The following LMTK2 variants were observed in gnomAD, a reference collection of about 807,000 sequenced individuals.
LMTK2 encodes serine/threonine-protein kinase LMTK2.
Under a neutral mutation model 127.5 loss-of-function variants are expected in LMTK2, and 37 were observed. The observed-to-expected ratio is 0.29, with a 90% CI of 0.22 to 0.38. The LOEUF (loss-of-function observed/expected upper bound fraction) is 0.38, where lower values mean the gene tolerates loss of function less well. Ranked by LOEUF, LMTK2 falls within the 10% of genes least tolerant of loss-of-function variation. The probability of loss-of-function intolerance (pLI) is 1.00; values close to 1 mark genes in which losing one functional copy is unlikely to be tolerated. For missense variants in LMTK2, 1,694 were observed against 1,920.3 expected, an observed-to-expected ratio of 0.88 and a Z score of 2.20; for synonymous variants, 819 against 810.1, an observed-to-expected ratio of 1.01 and a Z score of -0.19.
At chr7:98,185,237 G>A (rs1797416020) in intron 8 of LMTK2, 102 bp downstream of exon 8, 1 of 798,160 alleles carries the variant, frequency 1.3e-6, no homozygotes, top group South Asian at 1.8e-5. Context: ...TTAGTCGCTA[G>A]GCTTTCTGGA....
chr7:98,162,950 A>C (rs188273413), intron 6 of LMTK2, among the ~76,000 whole-genome samples: 94 of 152,328 alleles, frequency 6.2e-4, no homozygotes, highest in African/African-American at 2.2e-3. Flanking sequence ...AGGATTGTTA[A>C]AAGGAAGGAA....
chr7:98,138,326 ACATGGGGCCCTGGTCTTTAGAACCT>A (rs1562901863), intron 2 of LMTK2, among the ~76,000 whole-genome samples: 1 of 152,192 alleles, frequency 6.6e-6, no homozygotes, highest in African/African-American at 2.4e-5. Context: ...TTTTCCCTGG[ACATGGGGCCCTGGTCTTTAGAACCT>A]CATGGCTGTT....
rs1797549561 is a variant in LMTK2 at position 98,192,649 on chromosome 7, G to A, written c.2184G>A (p.Glu728=). 2 of 1,610,764 alleles carry A rather than the reference G, an allele frequency of 1.2e-6. No individual in the cohort carries two copies. The highest frequency in any genetic ancestry group is 2.7e-5 in the African/African-American group (2 of 74,696). The stretch of plus-strand genomic sequence containing the variant: ...CAGAAAACTTTTTATTTCTTCAAGA[G>A]AAAAACTTACTAAAAGGCTCATTGT... ...ELSENFLFLQ[E]KNLLKGSLSS... is the part of the protein sequence containing the mutation. The change falls in exon 11 of 14, where the codon GAG becomes GAA. Residue 728 remains glutamate, a synonymous_variant. Coordinates refer to ENST00000297293, the MANE Select transcript of LMTK2 (RefSeq NM_014916.4).
chr7:98,169,342 A>G (rs1000638393), intron 6 of LMTK2, among the ~76,000 whole-genome samples: 1 of 152,216 alleles, frequency 6.6e-6, no homozygotes, highest in Non-Finnish European at 1.5e-5. Flanking sequence ...GAAGTGGGCT[A>G]TTATGGAGAG....
Position 98,137,383 on chromosome 7 carries a change from T to C in LMTK2, c.172T>C (p.Leu58=), listed in dbSNP as rs1796610827. The C allele has an allele frequency of 1.2e-6, 2 of 1,613,822 alleles. No individual in the cohort carries two copies. ...CCTGTGTGTGTGCAGTTTAATAATA[T>C]TAATAGTGTTAATTGCAAACTGTGT... ...VILCVCSLII[L]IVLIANCVSC... The change falls in exon 2 of 14, where the codon TTA becomes CTA. Residue 58 remains leucine, a synonymous_variant. Transcript: ENST00000297293.
chr7:98,138,408 C>T (rs1796626501), intron 2 of LMTK2, among the ~76,000 whole-genome samples: 1 of 152,180 alleles, frequency 6.6e-6, no homozygotes, highest in Non-Finnish European at 1.5e-5. Context: ...GCTGAGGAGA[C>T]ACACAGATGT....
intron 1 of LMTK2, among the ~76,000 whole-genome samples, chr7:98,128,667 G>A (rs1009089870): frequency 2.0e-5 from 3 of 152,218 alleles, no homozygotes; most frequent in Non-Finnish European, 2.9e-5. Context: ...GGCTCTGCCC[G>A]TGTGTGGGGC....
Position 98,131,624 on chromosome 7 carries a change from T to G in LMTK2, c.104-5691T>G, listed in dbSNP as rs1796521197. 2.6e-5 allele frequency among the ~76,000 whole-genome samples: 4 copies of G among 152,234 alleles called. No homozygotes were observed. The South Asian group carries it at 8.3e-4, about 31-fold the overall frequency. On this transcript the variant is annotated intron_variant, in intron 1 of 13. Transcript: ENST00000297293. ...TTCTGTCAGGAGATAATGTCTGTCT[T>G]TCTGTGTTATCAGCTATTGATATAA...
intron 7 of LMTK2, among the ~76,000 whole-genome samples, chr7:98,184,439 G>A (rs1273377407): frequency 3.9e-5 from 6 of 151,942 alleles, no homozygotes; most frequent in African/African-American, 7.3e-5. Flanking sequence ...TGGGGGCAAC[G>A]GGTTGGGGGT....
At chr7:98,199,409 T>G (rs1410648127) in intron 11 of LMTK2, among the ~76,000 whole-genome samples, 1 of 152,256 alleles carries the variant, frequency 6.6e-6, no homozygotes, top group Non-Finnish European at 1.5e-5. Context: ...ACATTGAGGA[T>G]GATGATGTCT....
At position 98,193,653 on chromosome 7, in the gene LMTK2, G is replaced by T. The variant is rs1284228224; in HGVS notation, c.3188G>T (p.Gly1063Val). 2 of 1,613,784 alleles carry T rather than the reference G, an allele frequency of 1.2e-6. No homozygotes were observed. The highest frequency in any genetic ancestry group is 3.3e-5 in the Admixed American group (2 of 59,986). The part of the protein sequence containing the change: ...DSEPATTGDG[G>V]HSGLPPNPVI... Reference sequence around the variant, plus strand: ...GAACCAGCCACCACGGGCGATGGCGGCCACAGCGGTCTGCCTCCCAACCCG... The same window carrying T: ...GAACCAGCCACCACGGGCGATGGCGTCCACAGCGGTCTGCCTCCCAACCCG... The change falls in exon 11 of 14, where the codon GGC becomes GTC. Residue 1063 changes from glycine to valine, a missense_variant. Physicochemically the swap from Gly to Val is moderately radical, Grantham distance 109. Coordinates refer to ENST00000297293, the MANE Select transcript of LMTK2 (RefSeq NM_014916.4). The surrounding 1 kb of genome is among the most constrained non-coding windows in gnomAD (Gnocchi z 4.1).
At chr7:98,190,561 G>A (rs567723902) in intron 9 of LMTK2, among the ~76,000 whole-genome samples, 167 bp from the exon 10 acceptor site, 1 of 152,218 alleles carries the variant, frequency 6.6e-6, no homozygotes, top group South Asian at 2.1e-4. Context: ...CAGCCTGGGC[G>A]ACAGTGAGAC....
chr7:98,107,234 G>A lies in LMTK2; in HGVS notation c.57G>A (p.Leu19=), dbSNP rs1335917351. The part of the protein sequence containing the change: ...RRLLLLLLVL[L]IAGSAGAAPL... Reference sequence around the variant, plus strand: ...TGCTGCTGCTGCTGCTGGTCCTCCTGATCGCCGGCAGTGCTGGGGCCGCGC... The same window carrying A: ...TGCTGCTGCTGCTGCTGGTCCTCCTAATCGCCGGCAGTGCTGGGGCCGCGC... The change falls in exon 1 of 14, where the codon CTG becomes CTA. Residue 19 remains leucine, a synonymous_variant. Coordinates refer to ENST00000297293, the MANE Select transcript of LMTK2 (RefSeq NM_014916.4). 2 of 1,461,344 alleles carry A rather than the reference G, an allele frequency of 1.4e-6. No homozygotes were observed. The highest frequency in any genetic ancestry group is 5.9e-5 in the East Asian group (2 of 33,726). The allele number at this position is 1,461,344 out of a possible 1,614,324, so 90.5% of individuals were successfully genotyped here.
intron 4 of LMTK2, among the ~76,000 whole-genome samples, 173 bp from the exon 5 acceptor site, chr7:98,154,585 C>T (rs1796900663): frequency 6.6e-6 from 1 of 152,124 alleles, no homozygotes. Context: ...GGTCCTTTTA[C>T]TGAAGAAAAA....
At chr7:98,134,196 A>G (rs1199981492) in intron 1 of LMTK2, among the ~76,000 whole-genome samples, 3 of 152,184 alleles carry the variant, frequency 2.0e-5, no homozygotes, top group Non-Finnish European at 4.4e-5. Flanking sequence ...GTATTACCTC[A>G]GAGGTATTGT....
At chr7:98,136,353 C>T (rs931227536) in intron 1 of LMTK2, among the ~76,000 whole-genome samples, 1 of 152,170 alleles carries the variant, frequency 6.6e-6, no homozygotes, top group African/African-American at 2.4e-5. Context: ...AATCACCTTC[C>T]AAACATCACA....
At position 98,194,302 on chromosome 7, in the gene LMTK2, G is replaced by A. The variant is rs189230277; in HGVS notation, c.3837G>A (p.Glu1279=). The change falls in exon 11 of 14, where the codon GAG becomes GAA. Residue 1279 remains glutamate, a synonymous_variant. Transcript: ENST00000297293. The surrounding 1 kb of genome is among the most constrained non-coding windows in gnomAD (Gnocchi z 5.4). The part of the protein sequence containing the change: ...LGVSGMLDLS[E]DGMDADEEDE... Reference sequence around the variant, plus strand: ...TGTCAGGGATGCTCGACCTCTCAGAGGACGGGATGGATGCAGACGAGGAGG... The same window carrying A: ...TGTCAGGGATGCTCGACCTCTCAGAAGACGGGATGGATGCAGACGAGGAGG... The A allele has an allele frequency of 3.0e-5, 49 of 1,614,188 alleles. No individual in the cohort carries two copies. In the Admixed American group the frequency reaches 5.3e-4, roughly 18 times the overall value.
chr7:98,181,244 A>G (rs945401869), intron 7 of LMTK2, among the ~76,000 whole-genome samples: 1 of 152,210 alleles, frequency 6.6e-6, no homozygotes, highest in Non-Finnish European at 1.5e-5. Flanking sequence ...TAACAAGAAC[A>G]TGCATTTTCA....
chr7:98,160,437 A>C (rs986014661), intron 6 of LMTK2, among the ~76,000 whole-genome samples: 1 of 152,220 alleles, frequency 6.6e-6, no homozygotes, highest in East Asian at 1.9e-4. Context: ...TCTGTGGCTC[A>C]TTGCAACAAA....
Sources: gnomAD v4.1 joint callset for allele counts (sites outside exome capture counted in the v4.1 genomes callset) on GRCh38, gnomAD v4.1.1 for gene constraint, Gnocchi (gnomAD v3.1) non-coding constraint, MANE v1.5 for transcripts, NCBI Gene and HGNC (gene_info 2026-07-23, HGNC 2026-07-21) for gene names.